Variants in YIPF7 observed in about 807,000 individuals in gnomAD.
YIPF7 encodes Yip1 domain family member 7.
YIPF7 carries 35 observed loss-of-function variants against 27.2 expected under a neutral mutation model. The observed-to-expected ratio is 1.29, with a 90% confidence interval of 0.98 to 1.70. The LOEUF (loss-of-function observed/expected upper bound fraction) is 1.70, where lower values mean the gene tolerates loss of function less well. Ranked by LOEUF, YIPF7 falls within the 40% of genes most tolerant of loss-of-function variation. The probability of loss-of-function intolerance (pLI) is 0.00; values close to 1 mark genes in which losing one functional copy is unlikely to be tolerated. For missense variants in YIPF7, 358 were observed against 303.7 expected (o/e 1.18, Z -1.33); for synonymous variants, 137 against 110.4 (o/e 1.24, Z -1.51).
chr4:44,650,628 T>G (rs1322939334), intron 1 of YIPF7, among the ~76,000 whole-genome samples: 1 of 152,208 alleles, frequency 6.6e-6, no homozygotes. Context: ...CTTGTTCTAC[T>G]TGGCAATTCT....
chr4:44,635,469 G>A (rs1365459075), intron 3 of YIPF7, among the ~76,000 whole-genome samples: 1 of 152,044 alleles, frequency 6.6e-6, no homozygotes, highest in Non-Finnish European at 1.5e-5. Context: ...AAACTGGCTT[G>A]TCTCCATGTC....
intron 2 of YIPF7, among the ~76,000 whole-genome samples, chr4:44,659,499 A>C (rs1713985339): frequency 6.6e-6 from 1 of 152,330 alleles, no homozygotes; most frequent in South Asian, 2.1e-4. Flanking sequence ...GAAAAAGAAA[A>C]AGAAGAGCAA....
chr4:44,656,308 C>T (rs986808416), upstream of YIPF7, among the ~76,000 whole-genome samples: 121 of 151,944 alleles, frequency 8.0e-4, 12 homozygotes, highest in Non-Finnish European at 4.4e-5. Flanking sequence ...GAATTATATA[C>T]ATTCTTCCAC....
intron 2 of YIPF7, among the ~76,000 whole-genome samples, chr4:44,649,001 G>A (rs1713627485): frequency 6.6e-6 from 1 of 151,982 alleles, no homozygotes; most frequent in Non-Finnish European, 1.5e-5. Context: ...TGTTTACCTT[G>A]ATTCCGTCAT....
intron 5 of YIPF7, 146 bp from the exon 6 acceptor site, chr4:44,622,722 C>T (rs890765879): frequency 1.9e-6 from 2 of 1,055,162 alleles, no homozygotes; most frequent in Non-Finnish European, 1.3e-6. Flanking sequence ...TGAACAAAAG[C>T]CCTTGGCCAG....
At chr4:44,644,742 G>A (rs1268572796) in intron 2 of YIPF7, among the ~76,000 whole-genome samples, 2 of 152,092 alleles carry the variant, frequency 1.3e-5, no homozygotes, top group Non-Finnish European at 2.9e-5. Flanking sequence ...AGATTTGGGA[G>A]GGTCCAGGGG....
At chr4:44,653,759 T>C (rs1467483064), upstream of YIPF7, among the ~76,000 whole-genome samples, 1 of 152,170 alleles carries the variant, frequency 6.6e-6, no homozygotes, top group Non-Finnish European at 1.5e-5. Context: ...GGCCAAATTT[T>C]GATTATTACC....
rs753265862 is a variant in YIPF7 at position 44,636,061 on chromosome 4, C to T, written c.141G>A (p.Gln47=). 19 of 1,612,084 alleles carry T rather than the reference C, an allele frequency of 1.2e-5. No individual in the cohort carries two copies. The highest frequency in any genetic ancestry group is 8.8e-5 in the South Asian group (8 of 90,832). ...TCTCTGATGGAACAAAGGAGGCAGG[C>T]TGAGGCTGCTCACCAGCTTGTTGTC... ...SRKQQAGEQP[Q]PASFVPSEML... The change falls in exon 3 of 6, where the codon CAG becomes CAA. Residue 47 remains glutamine (Q), a synonymous_variant. Transcript: ENST00000415895.
intron 2 of YIPF7, among the ~76,000 whole-genome samples, chr4:44,640,612 C>T (rs538972603): frequency 2.2e-3 from 339 of 152,302 alleles, no homozygotes; most frequent in Non-Finnish European, 3.0e-3. Context: ...TTCTTACAGC[C>T]CCCAGTCCAG....
At chr4:44,650,533 T>A (rs1001845097) in intron 1 of YIPF7, among the ~76,000 whole-genome samples, 1 of 121,924 alleles carries the variant, frequency 8.2e-6, no homozygotes, top group South Asian at 2.5e-4. Flanking sequence ...ACACACACAC[T>A]TGTACCAAGG....
At chr4:44,651,792 C>T (rs989726767), upstream of YIPF7, among the ~76,000 whole-genome samples, 1 of 152,190 alleles carries the variant, frequency 6.6e-6, no homozygotes, top group Non-Finnish European at 1.5e-5. Context: ...TACAGACTTA[C>T]AATTTGATAA....
rs1712463862 is a variant in YIPF7 at position 44,622,143 on chromosome 4, A to G, written c.*271T>C. ...ACTTACTTTTCTCAGAAATACCTCT[A>G]TTGAGAAAAGCAGGGTTGATCAGTA... On this transcript the variant is annotated 3_prime_UTR_variant, in exon 6 of 6. Transcript: ENST00000415895. 1 of 330,738 alleles carries G rather than the reference A, an allele frequency of 3.0e-6. No homozygotes were observed. The highest frequency in any genetic ancestry group is 2.2e-5 in the African/African-American group (1 of 46,510). 20.5% of individuals were successfully genotyped at this position (330,738 alleles called of 1,614,324 possible).
At chr4:44,638,138 C>T (rs1013512311) in intron 2 of YIPF7, among the ~76,000 whole-genome samples, 4 of 150,600 alleles carry the variant, frequency 2.7e-5, no homozygotes, top group Admixed American at 6.7e-5. Flanking sequence ...AACCATGATG[C>T]GATACCACCT....
chr4:44,650,132 T>C, intron 1 of YIPF7, 31 bp from the exon 2 acceptor site: 1 of 1,285,122 alleles, frequency 7.8e-7, no homozygotes. Context: ...TTTAATAAGT[T>C]CATGAGTCAA....
intron 2 of YIPF7, among the ~76,000 whole-genome samples, chr4:44,646,159 T>C (rs1713518048): frequency 6.6e-6 from 1 of 152,206 alleles, no homozygotes; most frequent in Non-Finnish European, 1.5e-5. Context: ...AATTAACTAG[T>C]TAAACATAAC....
chr4:44,632,939 C>T (rs1023092527), intron 3 of YIPF7, among the ~76,000 whole-genome samples: 6 of 152,152 alleles, frequency 3.9e-5, no homozygotes, highest in Admixed American at 6.6e-5. Flanking sequence ...TGTTAGGAAC[C>T]GGGCCGCACA....
chr4:44,639,345 G>A (rs1445188216), intron 2 of YIPF7, among the ~76,000 whole-genome samples: 1 of 151,950 alleles, frequency 6.6e-6, no homozygotes. Flanking sequence ...TTTTCCATTT[G>A]TTTGTGTCAT....
rs536043627 is a variant in YIPF7, at chr4:44,624,672, C to T, written c.537G>A (p.Val179=). ...GCAGGCAGTAACCCAGCACGCTGGC[C>T]ACACAGCCGTACGACACCCCTGAAG... The part of the protein sequence containing the change: ...MSSSGVSYGC[V]ASVLGYCLLP... Residue 179 remains valine (V), a synonymous_variant, in exon 5 of 6, where the codon GTG becomes GTA. Coordinates refer to ENST00000415895, the MANE Select transcript of YIPF7 (RefSeq NM_182592.3). The T allele has an allele frequency of 1.2e-6, 2 of 1,607,312 alleles. No homozygotes were observed. Among genetic ancestry groups the T allele is most frequent in the Non-Finnish European group, 8.5e-7 (1 of 1,177,106 alleles).
intron 4 of YIPF7, 140 bp downstream of exon 4, chr4:44,629,263 C>T: frequency 9.1e-7 from 1 of 1,101,886 alleles, no homozygotes; most frequent in Non-Finnish European, 1.2e-6. Context: ...ATTTTTGTCA[C>T]TATGGTTAAA....
Sources: gnomAD v4.1 joint callset for allele counts (sites outside exome capture counted in the v4.1 genomes callset) on GRCh38, gnomAD v4.1.1 for gene constraint, MANE v1.5 for transcripts, NCBI Gene and HGNC (gene_info 2026-07-23, HGNC 2026-07-21) for gene names.